SOX5: variants seen among roughly 807,000 people sequenced by gnomAD.
The protein encoded by SOX5 is transcription factor SOX-5.
In SOX5, 9 loss-of-function variants were observed where a neutral mutation model predicts 92.0. The ratio of observed to expected loss-of-function variants is 0.10; its 90% confidence interval spans 0.06 to 0.17. The LOEUF (loss-of-function observed/expected upper bound fraction) is 0.17. SOX5 is among the 10% of genes least tolerant of loss of function. The probability of loss-of-function intolerance (pLI) is 1.00; values close to 1 mark genes in which losing one functional copy is unlikely to be tolerated. For synonymous variants in SOX5, 344 were observed against 336.3 expected, an observed-to-expected ratio of 1.02 and a Z score of -0.25; for missense variants, 642 against 944.5, an observed-to-expected ratio of 0.68 and a Z score of 4.20.
intron 6 of SOX5, among the ~76,000 whole-genome samples, chr12:23,728,960 T>C (rs1450621659): frequency 6.6e-6 from 1 of 152,128 alleles, no homozygotes; most frequent in Non-Finnish European, 1.5e-5. Context: ...AAACCTCTTG[T>C]AGTTCTAAAA....
intron 1 of SOX5, among the ~76,000 whole-genome samples, chr12:23,936,781 T>C (rs1942665137): frequency 6.6e-6 from 1 of 151,106 alleles, no homozygotes; most frequent in Non-Finnish European, 1.5e-5. Flanking sequence ...ATTTTATTTG[T>C]GCCAATATAT....
Position 24,371,288 on chromosome 12 carries a change from A to C in SOX5, c.-250-2649T>G, listed in dbSNP as rs141952162. On this transcript the variant is annotated intron_variant, in intron 1 of 4. Transcript: ENST00000446891. ...GGAAGCAAGGACTTCAGTCCTAAAA[A>C]TACAAAGAGCTGAATTCTGCCAAAA... 4.1e-3 allele frequency among the ~76,000 whole-genome samples: 618 copies of C among 152,346 alleles called. 2 individuals carry two copies. Among genetic ancestry groups the C allele is most frequent in the African/African-American group, 0.014 (589 of 41,580 alleles).
intron 2 of SOX5, among the ~76,000 whole-genome samples, chr12:24,363,592 C>A (rs1333473661): frequency 6.6e-6 from 1 of 151,892 alleles, no homozygotes; most frequent in Admixed American, 6.6e-5. Context: ...TTATAAAGTG[C>A]CTATTGTGTA....
chr12:23,953,111 T>C (rs1405169246), upstream of SOX5, among the ~76,000 whole-genome samples: 1 of 152,144 alleles, frequency 6.6e-6, no homozygotes, highest in Admixed American at 6.6e-5. Flanking sequence ...CTCTAAGCCA[T>C]AAAAGTTTTC....
intron 1 of SOX5, chr12:24,368,729 C>G (rs148441328): frequency 6.6e-6 from 1 of 152,120 alleles, no homozygotes; most frequent in African/African-American, 2.4e-5. Flanking sequence ...ATGAATTCAA[C>G]GAAGTAACCA....
At chr12:23,881,783 T>C (rs1197922282) in intron 2 of SOX5, among the ~76,000 whole-genome samples, 2 of 152,164 alleles carry the variant, frequency 1.3e-5, no homozygotes, top group African/African-American at 4.8e-5. Flanking sequence ...GTTATAAGCA[T>C]AAAAATGTAA....
At chr12:24,028,931 G>A (rs1490688245) in intron 4 of SOX5, among the ~76,000 whole-genome samples, 1 of 152,020 alleles carries the variant, frequency 6.6e-6, no homozygotes, top group Non-Finnish European at 1.5e-5. Context: ...ATACAAGAAT[G>A]TTGAGGATTT....
At chr12:23,857,621 G>A (rs141278380) in intron 2 of SOX5, among the ~76,000 whole-genome samples, 2 of 152,284 alleles carry the variant, frequency 1.3e-5, no homozygotes, top group East Asian at 3.9e-4. Context: ...TAGGGACAAT[G>A]ACAGGAATGT....
In SOX5 at chr12:23,534,268, A is replaced by G; in HGVS notation, c.2243T>C (p.Val748Ala). 6.2e-7 allele frequency: 1 copy of G among 1,614,142 alleles called. No homozygotes were observed. The highest frequency in any genetic ancestry group is 8.5e-7 in the Non-Finnish European group (1 of 1,180,004). ...GTTTTCACTGTCACTCCCATAATCT[A>G]CATCTGGATCATCCTCTTCCTCGTC... ...EYDEEEDDPD[V>A]DYGSDSENHI... The change falls in exon 15 of 15, where the codon GTA becomes GCA. Residue 748 changes from valine (V) to alanine (A), a missense_variant. Coordinates refer to ENST00000451604, the MANE Select transcript of SOX5 (RefSeq NM_006940.6).
chr12:23,701,245 A>G (rs561865034), intron 6 of SOX5, among the ~76,000 whole-genome samples: 12 of 152,086 alleles, frequency 7.9e-5, no homozygotes, highest in South Asian at 2.1e-4. Context: ...GTGTGTGCCA[A>G]TATCTATGGC....
intron 3 of SOX5, among the ~76,000 whole-genome samples, chr12:23,779,754 T>C (rs1436627375): frequency 6.8e-6 from 1 of 146,780 alleles, no homozygotes; most frequent in Non-Finnish European, 1.5e-5. Context: ...CCAAAAGCTT[T>C]ACTATTTCTT....
chr12:23,981,409 T>C (rs1432504603), intron 4 of SOX5, among the ~76,000 whole-genome samples: 1 of 152,226 alleles, frequency 6.6e-6, no homozygotes, highest in East Asian at 1.9e-4. Context: ...GGTGGTGATG[T>C]GGTAATTAAT....
intron 3 of SOX5, among the ~76,000 whole-genome samples, chr12:23,773,731 T>A (rs950868335): frequency 4.6e-5 from 7 of 151,646 alleles, no homozygotes; most frequent in Non-Finnish European, 2.9e-5. Flanking sequence ...AAAAAAAAAA[T>A]TGAGTTTTAC....
intron 1 of SOX5, among the ~76,000 whole-genome samples, chr12:23,897,200 CACA>C (rs1373092284): frequency 6.6e-6 from 1 of 152,044 alleles, no homozygotes; most frequent in South Asian, 2.1e-4. Context: ...TACTAACTAC[CACA>C]ACACTTCCTT....
intron 4 of SOX5, among the ~76,000 whole-genome samples, chr12:23,988,930 G>GAAT (rs1449234398): frequency 6.6e-6 from 1 of 152,142 alleles, no homozygotes; most frequent in African/African-American, 2.4e-5. Context: ...TGCTAACATA[G>GAAT]AATACAAGAT....
intron 3 of SOX5, among the ~76,000 whole-genome samples, chr12:23,803,456 T>C (rs2095701447): frequency 6.6e-6 from 1 of 152,196 alleles, no homozygotes; most frequent in Non-Finnish European, 1.5e-5. Context: ...TTTCTGAAAT[T>C]CTTGCTCTCT....
At chr12:23,585,031 G>T (rs1950531173) in intron 9 of SOX5, among the ~76,000 whole-genome samples, 1 of 151,986 alleles carries the variant, frequency 6.6e-6, no homozygotes, top group Non-Finnish European at 1.5e-5. Flanking sequence ...AATGTTAATG[G>T]ATAGTGGAGA....
chr12:23,674,627 C>T (rs141673270), intron 6 of SOX5, among the ~76,000 whole-genome samples: 1,749 of 151,752 alleles, frequency 0.012, 35 homozygotes, highest in African/African-American at 0.04. Context: ...CATGAGCCAC[C>T]GCACCCAGCC....
At chr12:23,540,976 T>G (rs1941914895) in intron 13 of SOX5, among the ~76,000 whole-genome samples, 1 of 127,220 alleles carries the variant, frequency 7.9e-6, no homozygotes, top group South Asian at 2.9e-4. Flanking sequence ...ACTTATTTAT[T>G]TAAAGCTGTG....
Sources: allele counts gnomAD v4.1 joint callset (sites outside exome capture counted in the v4.1 genomes callset), GRCh38; gene constraint gnomAD v4.1.1; transcripts MANE v1.5; gene names NCBI Gene and HGNC (gene_info 2026-07-23, HGNC 2026-07-21).